FKBP7: variants seen among roughly 807,000 people sequenced by gnomAD.
FKBP7 encodes the protein FKBP prolyl isomerase 7, also known as peptidyl-prolyl cis-trans isomerase FKBP7.
A neutral mutation model predicts 24.3 loss-of-function variants in FKBP7; 24 were observed. The ratio of observed to expected loss-of-function variants is 0.99; its 90% CI spans 0.72 to 1.39. The LOEUF (loss-of-function observed/expected upper bound fraction) is 1.39. FKBP7 is among the 40% of genes most tolerant of loss of function. The probability of loss-of-function intolerance (pLI) is 0.00; values close to 1 mark genes in which losing one functional copy is unlikely to be tolerated. For synonymous variants in FKBP7, 98 were observed against 92.8 expected, an observed-to-expected ratio of 1.06 and a Z score of -0.32; for missense variants, 257 against 269.5, an observed-to-expected ratio of 0.95 and a Z score of 0.33.
chr2:178,476,480 T>C (rs1002272026), intron 2 of FKBP7, among the ~76,000 whole-genome samples: 7 of 152,210 alleles, frequency 4.6e-5, no homozygotes, highest in Non-Finnish European at 1.0e-4. Context: ...TGAAACTCTA[T>C]ACCCATTGGT....
chr2:178,472,460 C>T (rs991510454), intron 2 of FKBP7, among the ~76,000 whole-genome samples: 6 of 151,714 alleles, frequency 4.0e-5, no homozygotes, highest in African/African-American at 7.3e-5. Context: ...AAATATTGGC[C>T]GGGCGCAGTG....
chr2:178,472,023 C>T (rs1684859971), intron 2 of FKBP7, among the ~76,000 whole-genome samples: 1 of 151,884 alleles, frequency 6.6e-6, no homozygotes, highest in Non-Finnish European at 1.5e-5. Context: ...ATTATTGTCT[C>T]CTGACAATAA....
In FKBP7 at chr2:178,473,013, A is replaced by C. The variant is rs777042675; in HGVS notation, c.374-3228T>G. ...GATCAAAGAAGTAGGAATTAAGGTA[A>C]AGAATATATACATACCGCATGTATT... On this transcript the variant is annotated intron_variant, in intron 2 of 3. Coordinates refer to ENST00000424785, the MANE Select transcript of FKBP7 (RefSeq NM_181342.3). 3 of 1,157,164 alleles carry C rather than the reference A, an allele frequency of 2.6e-6. No homozygotes were observed. In the African/African-American group the frequency reaches 4.8e-5, roughly 18 times the overall value. 71.7% of individuals were successfully genotyped at this position (1,157,164 alleles called of 1,614,324 possible).
At chr2:178,465,991 T>C in intron 3 of FKBP7, 60 bp from the exon 4 acceptor site, 1 of 1,393,626 alleles carries the variant, frequency 7.2e-7, no homozygotes, top group Non-Finnish European at 9.7e-7. Flanking sequence ...TTCCAGTAAC[T>C]TTAAGGAATA....
rs1029407987 is a variant in FKBP7 at position 178,465,671 on chromosome 2, TA to T, written c.*98del. 46 of 1,152,536 alleles carry T rather than the reference TA, an allele frequency of 4.0e-5. No homozygotes were observed. In the African/African-American group the frequency reaches 5.4e-4, roughly 14 times the overall value. The allele number at this position is 1,152,536 out of a possible 1,614,324, so 71.4% of individuals were successfully genotyped here. A position where few individuals can be genotyped will look rare whatever the true frequency, so the allele number is the denominator to read the frequency against. On this transcript the variant is annotated 3_prime_UTR_variant, in exon 4 of 4. Transcript: ENST00000424785. ...TTGGGGAGATCAAAATATCTTCTCATAGGGGAAAAATAGCAAATACAACTTG... is the reference window on the plus strand; with the variant it reads ...TTGGGGAGATCAAAATATCTTCTCATGGGGAAAAATAGCAAATACAACTTG...
Position 178,478,591 on chromosome 2 carries a change from C to G in FKBP7, c.-92G>C. The G allele has an allele frequency of 6.4e-7, 1 of 1,560,574 alleles. No homozygotes were observed. Among genetic ancestry groups the G allele is most frequent in the African/African-American group, 1.4e-5 (1 of 73,168 alleles). The stretch of plus-strand genomic sequence containing the variant: ...AGTTCCGACGCGTGGCAGGCGTTGT[C>G]CTGCGTCACAAAGGGCCGGGGCGGG... On this transcript the variant is annotated 5_prime_UTR_variant, in exon 1 of 4. Coordinates refer to ENST00000424785, the MANE Select transcript of FKBP7 (RefSeq NM_181342.3).
chr2:178,470,588 A>G (rs1428537731), intron 2 of FKBP7, among the ~76,000 whole-genome samples: 3 of 152,272 alleles, frequency 2.0e-5, no homozygotes, highest in Non-Finnish European at 4.4e-5. Context: ...TAAATAAAAC[A>G]TAAGTATTAA....
chr2:178,473,177 TAAC>T (rs1000271469), intron 2 of FKBP7: 4 of 947,916 alleles, frequency 4.2e-6, no homozygotes, highest in Non-Finnish European at 6.0e-6. Flanking sequence ...TAGGTCTTAA[TAAC>T]AACTTACTTT....
Position 178,478,479 on chromosome 2 carries a change from G to C in FKBP7, c.21C>G (p.Phe7Leu). MPKTMH[F>L]LFRFIVFFYL... ...AAAAGAAAACAATGAATCTGAATAA[G>C]AAATGCATGGTTTTTGGCATCGGCT... The change falls in exon 1 of 4, where the codon TTC becomes TTG. Residue 7 changes from phenylalanine (F) to leucine (L), a missense_variant. Transcript: ENST00000424785. The C allele has an allele frequency of 1.2e-6, 2 of 1,614,116 alleles. No homozygotes were observed. Among genetic ancestry groups the C allele is most frequent in the African/African-American group, 1.3e-5 (1 of 75,022 alleles).
At chr2:178,465,981 T>C (rs770206289) in intron 3 of FKBP7, 50 bp from the exon 4 acceptor site, 3 of 1,455,458 alleles carry the variant, frequency 2.1e-6, no homozygotes, top group Non-Finnish European at 2.8e-6. Flanking sequence ...CACAGTGAAT[T>C]TCCAGTAACT....
intron 3 of FKBP7, chr2:178,467,886 T>A (rs1053701394): frequency 6.6e-6 from 1 of 152,202 alleles, no homozygotes; most frequent in Admixed American, 6.5e-5. Context: ...CATCTGCAGC[T>A]GCTATTCACT....
chr2:178,475,256 G>A (rs1419037471), intron 2 of FKBP7, among the ~76,000 whole-genome samples: 2 of 151,828 alleles, frequency 1.3e-5, no homozygotes, highest in Admixed American at 6.6e-5. Context: ...TTGAGATGGA[G>A]TCTCGCTCTG....
intron 3 of FKBP7, among the ~76,000 whole-genome samples, chr2:178,467,331 G>T (rs1684697726): frequency 6.6e-6 from 1 of 152,122 alleles, no homozygotes; most frequent in South Asian, 2.1e-4. Context: ...TAATATTAAA[G>T]AAAGTTTTTC....
At chr2:178,476,208 A>T (rs569000675) in intron 2 of FKBP7, among the ~76,000 whole-genome samples, 1 of 152,350 alleles carries the variant, frequency 6.6e-6, no homozygotes, top group South Asian at 2.1e-4. Flanking sequence ...CTCTGGCCAG[A>T]GATCTATATT....
rs1383544965 is a variant in FKBP7, at chr2:178,473,129, T to TC, written c.374-3345dup. Reference sequence around the variant, plus strand: ...AAGGATATTTTGCAGAAGAAAGACTTCTTCAAGTACTACCTAAAATAAAGT... The same window carrying TC: ...AAGGATATTTTGCAGAAGAAAGACTTCCTTCAAGTACTACCTAAAATAAAGT... On this transcript the variant is annotated intron_variant, in intron 2 of 3. Coordinates refer to ENST00000424785, the MANE Select transcript of FKBP7 (RefSeq NM_181342.3). The TC allele has an allele frequency of 3.1e-6, 4 of 1,295,898 alleles. No homozygotes were observed. In the Admixed American group the frequency reaches 9.2e-5, roughly 30 times the overall value. The allele number at this position is 1,295,898 out of a possible 1,614,324, so 80.3% of individuals were successfully genotyped here. A position where few individuals can be genotyped will look rare whatever the true frequency, so the allele number is the denominator to read the frequency against.
intron 2 of FKBP7, among the ~76,000 whole-genome samples, chr2:178,476,370 CA>C (rs1440269440): frequency 6.6e-6 from 1 of 152,134 alleles, no homozygotes; most frequent in African/African-American, 2.4e-5. Context: ...ATACACATAA[CA>C]TAAAATTTAC....
rs774206338 is a variant in FKBP7 at position 178,477,159 on chromosome 2, G to T, written c.276C>A (p.Val92=). 1 of 1,613,026 alleles carries T rather than the reference G, an allele frequency of 6.2e-7. No homozygotes were observed. Among genetic ancestry groups the T allele is most frequent in the South Asian group, 1.1e-5 (1 of 90,858 alleles). Residue 92 remains valine (V), a synonymous_variant, in exon 2 of 4, where the codon GTC becomes GTA. Transcript: ENST00000424785. ...PKWFVLGVGQ[V]IKGLDIAMTD... is the part of the protein sequence containing the mutation. ...TCATAGCAATGTCTAGGCCTTTTATGACTTGCCCAACACCAAGAACAAACC... is the reference window on the plus strand; with the variant it reads ...TCATAGCAATGTCTAGGCCTTTTATTACTTGCCCAACACCAAGAACAAACC...
In FKBP7 at chr2:178,465,645, A is replaced by C; in HGVS notation, c.*125T>G. On this transcript the variant is annotated 3_prime_UTR_variant, in exon 4 of 4. Transcript: ENST00000424785. ...ACATTTATTATACCAAAATCAATGTATTGGGGAGATCAAAATATCTTCTCA... is the reference window on the plus strand; with the variant it reads ...ACATTTATTATACCAAAATCAATGTCTTGGGGAGATCAAAATATCTTCTCA... 1.1e-6 allele frequency: 1 copy of C among 869,842 alleles called. No homozygotes were observed. The highest frequency in any genetic ancestry group is 1.6e-6 in the Non-Finnish European group (1 of 606,758). The allele number at this position is 869,842 out of a possible 1,614,324, so 53.9% of individuals were successfully genotyped here. A position where few individuals can be genotyped will look rare whatever the true frequency, so the allele number is the denominator to read the frequency against.
intron 3 of FKBP7, among the ~76,000 whole-genome samples, chr2:178,466,289 A>G (rs73036316): frequency 6.6e-6 from 1 of 152,170 alleles, no homozygotes; most frequent in Admixed American, 6.5e-5. Context: ...CCCAATTGGC[A>G]TTTCTATAAT....
Sources: allele counts gnomAD v4.1 joint callset (sites outside exome capture counted in the v4.1 genomes callset), GRCh38; gene constraint gnomAD v4.1.1; transcripts MANE v1.5; gene names NCBI Gene and HGNC (gene_info 2026-07-23, HGNC 2026-07-21).